Variants in RIBC2 observed in about 807,000 individuals in gnomAD.
RIBC2 encodes the protein RIB43A domain with coiled-coils 2.
A neutral mutation model predicts 44.3 loss-of-function variants in RIBC2; 40 were observed. That is an observed-to-expected ratio of 0.90 (90% CI 0.70 to 1.18). The LOEUF is 1.18. Ranked by LOEUF, RIBC2 falls within the 50% of genes most tolerant of loss-of-function variation. The probability of loss-of-function intolerance (pLI) is 0.00; values close to 1 mark genes in which losing one functional copy is unlikely to be tolerated. For missense variants in RIBC2, 459 were observed against 485.5 expected (o/e 0.95, Z 0.51); for synonymous variants, 171 against 175.0 (o/e 0.98, Z 0.18).
chr22:45,426,336 G>A, intron 5 of RIBC2, among the ~76,000 whole-genome samples, 161 bp downstream of exon 5: 1 of 152,368 alleles, frequency 6.6e-6, no homozygotes, highest in Middle Eastern at 3.4e-3. Flanking sequence ...GCCAGATAGT[G>A]TCACACCCGT....
intron 6 of RIBC2, among the ~76,000 whole-genome samples, chr22:45,431,707 C>T (rs1049998163): frequency 3.3e-5 from 5 of 152,112 alleles, no homozygotes; most frequent in Admixed American, 6.5e-5. Flanking sequence ...CGGTGGCTCA[C>T]GCCTGTAATC....
intron 5 of RIBC2, among the ~76,000 whole-genome samples, chr22:45,429,656 T>C (rs565238194): frequency 7.2e-5 from 11 of 152,008 alleles, no homozygotes; most frequent in African/African-American, 2.7e-4. Flanking sequence ...GTTCAGGAAG[T>C]AGTCCAAGGT....
At position 45,432,382 on chromosome 22, in the gene RIBC2, C is replaced by G; in HGVS notation, c.*20C>G. ...CGATAATGAGGAACACACCCTTGTTCCCGTCATTCACGTATAAAGAGTGGC... is the reference window on the plus strand; with the variant it reads ...CGATAATGAGGAACACACCCTTGTTGCCGTCATTCACGTATAAAGAGTGGC... On this transcript the variant is annotated 3_prime_UTR_variant, in exon 7 of 7. Transcript: ENST00000614167. The G allele has an allele frequency of 6.6e-7, 1 of 1,515,944 alleles. No individual in the cohort carries two copies. The highest frequency in any genetic ancestry group is 9.1e-7 in the Non-Finnish European group (1 of 1,098,368). The allele number at this position is 1,515,944 out of a possible 1,614,324, so 93.9% of individuals were successfully genotyped here.
At position 45,426,043 on chromosome 22, in the gene RIBC2, C is replaced by G. The variant is rs1445066867; in HGVS notation, c.771C>G (p.Leu257=). The G allele has an allele frequency of 6.2e-7, 1 of 1,614,104 alleles. No individual in the cohort carries two copies. The highest frequency in any genetic ancestry group is 1.1e-5 in the South Asian group (1 of 91,074). The change falls in exon 5 of 7, where the codon CTC becomes CTG. Residue 257 remains leucine, a synonymous_variant. Transcript: ENST00000614167. ...EITNLLRGDL[L]SENPQQAASS... is the part of the protein sequence containing the mutation. The stretch of plus-strand genomic sequence containing the variant: ...CCAACCTCCTGCGTGGGGACCTGCT[C>G]TCCGAGAACCCGCAGCAGGCAGCCA...
chr22:45,426,246 A>C (rs2087534079), intron 5 of RIBC2, 71 bp downstream of exon 5: 2 of 1,357,252 alleles, frequency 1.5e-6, no homozygotes, highest in Non-Finnish European at 2.1e-6. Context: ...TCCAGGCACA[A>C]ATGTAGTTGT....
chr22:45,427,234 A>C (rs2087542383), intron 5 of RIBC2, among the ~76,000 whole-genome samples: 1 of 152,226 alleles, frequency 6.6e-6, no homozygotes, highest in South Asian at 2.1e-4. Context: ...CTGGTATGGC[A>C]GCTCTGTGGT....
At chr22:45,417,510 C>G (rs1236984088) in intron 2 of RIBC2, 92 bp from the exon 3 acceptor site, 10 of 1,047,068 alleles carry the variant, frequency 9.6e-6, no homozygotes, top group Non-Finnish European at 1.4e-5. Context: ...GAGGCCCTAT[C>G]TCTAAAAAAG....
Position 45,423,093 on chromosome 22 carries a change from C to G in RIBC2, c.675+685C>G, listed in dbSNP as rs369706981. Reference sequence around the variant, plus strand: ...ACCTCCCAGGCTCAGATGATCCCCCCACCTGAGCCATCCAAGTAGCTGGGA... The same window carrying G: ...ACCTCCCAGGCTCAGATGATCCCCCGACCTGAGCCATCCAAGTAGCTGGGA... On this transcript the variant is annotated intron_variant, in intron 4 of 6. Coordinates refer to ENST00000614167, the MANE Select transcript of RIBC2 (RefSeq NM_015653.5). Among the ~76,000 whole-genome samples the G allele has an allele frequency of 1.2e-4, 18 of 152,228 alleles. No individual in the cohort carries two copies. The East Asian group carries it at 1.4e-3, about 11-fold the overall frequency.
chr22:45,430,719 T>C (rs559077301), intron 5 of RIBC2, among the ~76,000 whole-genome samples, 181 bp from the exon 6 acceptor site: 1 of 152,062 alleles, frequency 6.6e-6, no homozygotes, highest in African/African-American at 2.4e-5. Context: ...CTGGGCCACA[T>C]GGAATGAGGG....
intron 4 of RIBC2, among the ~76,000 whole-genome samples, chr22:45,425,404 C>A (rs2087524809): frequency 6.6e-6 from 1 of 152,136 alleles, no homozygotes; most frequent in African/African-American, 2.4e-5. Context: ...TGACTGCAGC[C>A]CAGAGAGGGG....
chr22:45,423,632 G>A (rs984080399), intron 4 of RIBC2, among the ~76,000 whole-genome samples: 1 of 152,178 alleles, frequency 6.6e-6, no homozygotes, highest in African/African-American at 2.4e-5. Flanking sequence ...AAATCCCAGA[G>A]AGGCTGGACC....
intron 3 of RIBC2, among the ~76,000 whole-genome samples, chr22:45,419,543 G>A (rs552685964): frequency 6.6e-6 from 1 of 151,892 alleles, no homozygotes; most frequent in Non-Finnish European, 1.5e-5. Flanking sequence ...AGGCCAGCCC[G>A]GGCAACAAAG....
intron 4 of RIBC2, among the ~76,000 whole-genome samples, chr22:45,423,992 G>C (rs1391691617): frequency 6.6e-6 from 1 of 152,052 alleles, no homozygotes; most frequent in South Asian, 2.1e-4. Flanking sequence ...AATGTTTATT[G>C]AGCCCTTCCT....
At chr22:45,423,078 C>T (rs1467084822) in intron 4 of RIBC2, among the ~76,000 whole-genome samples, 1 of 152,120 alleles carries the variant, frequency 6.6e-6, no homozygotes, top group Non-Finnish European at 1.5e-5. Flanking sequence ...ACCTCCCAGG[C>T]TCAGATGATC....
At chr22:45,425,911 A>G (rs755420326) in intron 4 of RIBC2, 37 bp from the exon 5 acceptor site, 44 of 1,570,248 alleles carry the variant, frequency 2.8e-5, no homozygotes, top group Admixed American at 5.3e-5. Context: ...CCCTGGGGTC[A>G]CTCGGACCAT....
intron 5 of RIBC2, 31 bp from the exon 6 acceptor site, chr22:45,430,869 G>A (rs2087572850): frequency 2.0e-6 from 3 of 1,527,544 alleles, no homozygotes; most frequent in Non-Finnish European, 1.8e-6. Context: ...TCTGGGGAAA[G>A]GTGGTGGTGA....
chr22:45,425,137 AAACAAAC>A (rs1448057427), intron 4 of RIBC2, among the ~76,000 whole-genome samples: 6 of 151,874 alleles, frequency 4.0e-5, no homozygotes, highest in Non-Finnish European at 8.8e-5. Context: ...ACAAACAAAC[AAACAAAC>A]AAAAAAAAAC....
chr22:45,414,734 A>C (rs909812877), intron 2 of RIBC2, among the ~76,000 whole-genome samples: 2 of 152,188 alleles, frequency 1.3e-5, no homozygotes, highest in African/African-American at 4.8e-5. Flanking sequence ...TAATGCACTG[A>C]TTCTTCTCTT....
At chr22:45,430,279 T>C (rs1428533320) in intron 5 of RIBC2, among the ~76,000 whole-genome samples, 3 of 152,196 alleles carry the variant, frequency 2.0e-5, no homozygotes, top group African/African-American at 7.2e-5. Flanking sequence ...CTAACAAAGC[T>C]GACAACACAC....
Sources: allele counts gnomAD v4.1 joint callset (sites outside exome capture counted in the v4.1 genomes callset), GRCh38; gene constraint gnomAD v4.1.1; transcripts MANE v1.5; gene names NCBI Gene and HGNC (gene_info 2026-07-23, HGNC 2026-07-21).